Variants in TMEM117 observed in about 807,000 individuals in gnomAD.
TMEM117 encodes transmembrane protein 117.
In TMEM117, 27 loss-of-function variants were observed where a neutral mutation model predicts 52.4. That is an observed-to-expected ratio of 0.51 (90% confidence interval 0.38 to 0.71). TMEM117 has a LOEUF of 0.71. Among genes scored for constraint, TMEM117 ranks in the 30% least tolerant of loss-of-function variants. The probability of loss-of-function intolerance (pLI) is 0.00; values close to 1 mark genes in which losing one functional copy is unlikely to be tolerated. For synonymous variants in TMEM117, 215 were observed against 206.3 expected (o/e 1.04, Z -0.36); for missense variants, 556 against 630.5 (o/e 0.88, Z 1.26).
At position 44,076,971 on chromosome 12, in the gene TMEM117, A is replaced by G. The variant is rs556206367; in HGVS notation, c.411-66554A>G. On this transcript the variant is annotated intron_variant, in intron 3 of 7. Coordinates refer to ENST00000266534, the MANE Select transcript of TMEM117 (RefSeq NM_032256.3). ...GATTTCCCAGTCTGCAGAGCCTGCC[A>G]GGGAGAAGAAATATGCCATTTAACA... 2.0e-5 allele frequency among the ~76,000 whole-genome samples: 3 copies of G among 152,316 alleles called. No individual in the cohort carries two copies. In the East Asian group the frequency reaches 5.8e-4, roughly 29 times the overall value.
At chr12:44,172,559 A>T (rs1949061785) in intron 4 of TMEM117, among the ~76,000 whole-genome samples, 1 of 152,116 alleles carries the variant, frequency 6.6e-6, no homozygotes, top group South Asian at 2.1e-4. Context: ...CATCTTAACT[A>T]ATCAAATCTA....
chr12:43,839,969 C>T (rs1052123387), intron 1 of TMEM117, among the ~76,000 whole-genome samples: 5 of 152,220 alleles, frequency 3.3e-5, no homozygotes, highest in African/African-American at 1.2e-4. Context: ...TTAACTCTCA[C>T]AGGATAACCC....
chr12:44,276,884 A>G (rs1950518464), intron 5 of TMEM117, among the ~76,000 whole-genome samples: 1 of 149,584 alleles, frequency 6.7e-6, no homozygotes. Context: ...TAAATACATG[A>G]AAAGTTTGTG....
At chr12:44,121,832 A>AT (rs1223272452) in intron 3 of TMEM117, among the ~76,000 whole-genome samples, 1 of 151,904 alleles carries the variant, frequency 6.6e-6, no homozygotes, top group Admixed American at 6.6e-5. Flanking sequence ...CCCGATAGTA[A>AT]TTTTTTTATC....
intron 4 of TMEM117, among the ~76,000 whole-genome samples, chr12:44,168,504 C>T (rs970102986): frequency 2.6e-5 from 4 of 152,136 alleles, no homozygotes; most frequent in East Asian, 1.9e-4. Flanking sequence ...ATGGCTGTAT[C>T]GTAACTCTGT....
intron 3 of TMEM117, among the ~76,000 whole-genome samples, chr12:43,968,108 C>G (rs907969788): frequency 2.0e-5 from 3 of 152,148 alleles, no homozygotes; most frequent in African/African-American, 7.2e-5. Context: ...GGCATAGAGA[C>G]CACATATGAT....
intron 2 of TMEM117, among the ~76,000 whole-genome samples, chr12:43,898,238 TC>T (rs1944244090): frequency 6.6e-6 from 1 of 152,078 alleles, no homozygotes; most frequent in Admixed American, 6.5e-5. Context: ...GAATCTGAGT[TC>T]TTGTGACTTT....
chr12:44,178,587 C>T (rs535379400), intron 4 of TMEM117, among the ~76,000 whole-genome samples: 1 of 152,128 alleles, frequency 6.6e-6, no homozygotes, highest in African/African-American at 2.4e-5. Flanking sequence ...TAAGGTCATT[C>T]TATCAATTTC....
intron 4 of TMEM117, among the ~76,000 whole-genome samples, chr12:44,167,809 G>C (rs1457902878): frequency 1.3e-5 from 2 of 152,172 alleles, no homozygotes; most frequent in Admixed American, 6.5e-5. Flanking sequence ...TAGGTTCACA[G>C]TTCTGAGGTC....
intron 5 of TMEM117, among the ~76,000 whole-genome samples, chr12:44,275,622 A>T (rs1396435724): frequency 6.6e-6 from 1 of 152,200 alleles, no homozygotes; most frequent in Admixed American, 6.5e-5. Flanking sequence ...GCCATTAAAA[A>T]GAATGAGATC....
intron 3 of TMEM117, among the ~76,000 whole-genome samples, chr12:44,001,536 G>A (rs1946116771): frequency 6.6e-6 from 1 of 152,160 alleles, no homozygotes; most frequent in Non-Finnish European, 1.5e-5. Flanking sequence ...AGGACACTAT[G>A]AAGTGAGTTT....
At chr12:44,041,867 A>G (rs1946803980) in intron 3 of TMEM117, among the ~76,000 whole-genome samples, 1 of 152,186 alleles carries the variant, frequency 6.6e-6, no homozygotes, top group Non-Finnish European at 1.5e-5. Flanking sequence ...ACAAAAAACC[A>G]CACGATCATC....
chr12:43,803,714 T>C, the TMEM117 span, among the ~76,000 whole-genome samples: 2 of 152,120 alleles, frequency 1.3e-5, no homozygotes, highest in African/African-American at 2.4e-5. Context: ...CTATTGAATG[T>C]TGTATGTAAA....
At chr12:43,888,028 T>C (rs893116916) in intron 2 of TMEM117, among the ~76,000 whole-genome samples, 1 of 152,206 alleles carries the variant, frequency 6.6e-6, no homozygotes, top group South Asian at 2.1e-4. Context: ...GGCAAATCTG[T>C]AGAAGAGAAG....
intron 3 of TMEM117, among the ~76,000 whole-genome samples, chr12:44,096,772 G>C (rs1196891005): frequency 6.6e-5 from 10 of 151,490 alleles, no homozygotes; most frequent in East Asian, 1.9e-4. Flanking sequence ...TAGAAGAAAA[G>C]CTAGGCAATA....
intron 3 of TMEM117, among the ~76,000 whole-genome samples, chr12:44,098,337 T>C (rs1311499591): frequency 6.6e-6 from 1 of 152,040 alleles, no homozygotes; most frequent in African/African-American, 2.4e-5. Context: ...GTTCTCCACT[T>C]TCCAGAACAT....
At chr12:44,162,103 C>T (rs1021457868) in intron 4 of TMEM117, among the ~76,000 whole-genome samples, 1 of 152,112 alleles carries the variant, frequency 6.6e-6, no homozygotes, top group Non-Finnish European at 1.5e-5. Context: ...CTCCAGAGAA[C>T]GTGAACATTC....
intron 2 of TMEM117, among the ~76,000 whole-genome samples, chr12:43,848,618 G>A (rs1943252729): frequency 1.3e-5 from 2 of 151,726 alleles, no homozygotes; most frequent in African/African-American, 4.9e-5. Flanking sequence ...TCTTTTTCAA[G>A]GTGCACTAAT....
chr12:43,798,502 A>G, the TMEM117 span: 2 of 1,426,684 alleles, frequency 1.4e-6, no homozygotes, highest in Non-Finnish European at 1.8e-6. Flanking sequence ...AAATGAATGG[A>G]GATTCTACAG....
Sources: gnomAD v4.1 joint callset for allele counts (sites outside exome capture counted in the v4.1 genomes callset) on GRCh38, gnomAD v4.1.1 for gene constraint, MANE v1.5 for transcripts, NCBI Gene and HGNC (gene_info 2026-07-23, HGNC 2026-07-21) for gene names.